The following LRRFIP2 variants were observed in gnomAD, a reference collection of about 807,000 sequenced individuals.
LRRFIP2 encodes LRR binding FLII interacting protein 2.
In LRRFIP2, 109 loss-of-function variants were observed where a neutral mutation model predicts 125.9. The ratio of observed to expected loss-of-function variants is 0.87; its 90% CI spans 0.74 to 1.01. The LOEUF is 1.01. Ranked by LOEUF, LRRFIP2 falls within the 50% of genes least tolerant of loss-of-function variation. LRRFIP2 has a pLI of 0.00. For missense variants in LRRFIP2, 850 were observed against 862.3 expected, an observed-to-expected ratio of 0.99 and a Z score of 0.18; for synonymous variants, 291 against 293.1, an observed-to-expected ratio of 0.99 and a Z score of 0.07.
At chr3:37,146,807 C>T (rs561624960) in intron 2 of LRRFIP2, among the ~76,000 whole-genome samples, 1 of 152,130 alleles carries the variant, frequency 6.6e-6, no homozygotes, top group East Asian at 1.9e-4. Context: ...AGGACATAAG[C>T]ACAGGCAAAA....
chr3:37,156,261 C>G (rs950811742), intron 1 of LRRFIP2, among the ~76,000 whole-genome samples: 1 of 152,092 alleles, frequency 6.6e-6, no homozygotes, highest in Non-Finnish European at 1.5e-5. Flanking sequence ...AGGCAAGTTG[C>G]TTGAGCCCAG....
intron 13 of LRRFIP2, among the ~76,000 whole-genome samples, chr3:37,107,758 T>C (rs17035956): frequency 1.1e-4 from 16 of 152,160 alleles, no homozygotes; most frequent in African/African-American, 2.4e-4. Context: ...AAACACAGGA[T>C]AGTCAACCTA....
chr3:37,163,250 G>A (rs2096393210), intron 1 of LRRFIP2, among the ~76,000 whole-genome samples: 1 of 152,152 alleles, frequency 6.6e-6, no homozygotes, highest in Non-Finnish European at 1.5e-5. Context: ...TTGCTATTCA[G>A]TTTTCCAAAA....
At chr3:37,174,002 T>A (rs2096622218) in intron 1 of LRRFIP2, 1 of 152,228 alleles carries the variant, frequency 6.6e-6, no homozygotes, top group Non-Finnish European at 1.5e-5. Flanking sequence ...GGAATCTGTG[T>A]TCACAGGGAA....
chr3:37,115,924 G>A (rs2094761551), intron 6 of LRRFIP2, among the ~76,000 whole-genome samples: 1 of 152,174 alleles, frequency 6.6e-6, no homozygotes, highest in African/African-American at 2.4e-5. Flanking sequence ...TACCCAGAAA[G>A]TCATATACAA....
intron 5 of LRRFIP2, 45 bp downstream of exon 5, chr3:37,121,590 T>C: frequency 1.2e-6 from 2 of 1,613,220 alleles, no homozygotes; most frequent in Non-Finnish European, 1.7e-6. Flanking sequence ...TACATTAAGC[T>C]AATGAGGAAA....
intron 2 of LRRFIP2, among the ~76,000 whole-genome samples, chr3:37,131,120 T>C (rs1435891978): frequency 6.6e-6 from 1 of 152,046 alleles, no homozygotes; most frequent in East Asian, 1.9e-4. Flanking sequence ...AGGCATCTGC[T>C]GGGGGGCTTG....
chr3:37,120,117 T>C (rs2094960571), intron 6 of LRRFIP2, among the ~76,000 whole-genome samples: 1 of 150,826 alleles, frequency 6.6e-6, no homozygotes, highest in African/African-American at 2.4e-5. Context: ...TTTTTTTTTT[T>C]TTTTTTTGAG....
chr3:37,074,929 G>A lies in LRRFIP2; in HGVS notation c.1371+95C>T, dbSNP rs966739084. The A allele has an allele frequency of 5.1e-6, 4 of 783,490 alleles. No homozygotes were observed. The African/African-American group carries it at 5.1e-5, about 10-fold the overall frequency. 48.5% of individuals were successfully genotyped at this position (783,490 alleles called of 1,614,324 possible). ...AGTCAAATATAAAGAGACAAACTCT[G>A]ATGCATCTTAACTCTCCTTCCCTCC... On this transcript the variant is annotated intron_variant, in intron 20 of 27. Coordinates refer to ENST00000336686, the MANE Select transcript of LRRFIP2 (RefSeq NM_006309.4).
chr3:37,054,374 G>A, intron 27 of LRRFIP2, 37 bp downstream of exon 27: 2 of 1,494,276 alleles, frequency 1.3e-6, no homozygotes, highest in African/African-American at 1.4e-5. Flanking sequence ...TTTCTTTTTA[G>A]GAATGTATTC....
intron 1 of LRRFIP2, among the ~76,000 whole-genome samples, chr3:37,155,700 C>A (rs1407171915): frequency 6.6e-6 from 1 of 152,046 alleles, no homozygotes; most frequent in Non-Finnish European, 1.5e-5. Context: ...AGAAAAAAGT[C>A]CTCTACACAA....
chr3:37,159,987 CGCAAAAAAAA>C (rs1220435625), intron 1 of LRRFIP2, among the ~76,000 whole-genome samples: 4 of 61,920 alleles, frequency 6.5e-5, no homozygotes, highest in African/African-American at 3.2e-4. Flanking sequence ...AAGCCCTATG[CGCAAAAAAAA>C]AAAAAAAAAA....
intron 1 of LRRFIP2, chr3:37,170,447 T>A (rs375403714): frequency 3.9e-5 from 6 of 152,300 alleles, no homozygotes; most frequent in African/African-American, 1.4e-4. Context: ...TAGTACAAAC[T>A]AAGAGTTTAA....
At chr3:37,103,128 AC>A in intron 14 of LRRFIP2, 115 bp from the exon 15 acceptor site, 1 of 655,374 alleles carries the variant, frequency 1.5e-6, no homozygotes, top group African/African-American at 1.9e-5. Flanking sequence ...GTGATAAAGT[AC>A]CAAGAAATAA....
intron 26 of LRRFIP2, 103 bp from the exon 27 acceptor site, chr3:37,054,618 T>TAAC (rs113420512): frequency 0.43 from 326,024 of 759,640 alleles, 74,599 homozygotes; most frequent in Non-Finnish European, 0.48. Flanking sequence ...CCAAGTAATC[T>TAAC]ACTAACAAGT....
At chr3:37,055,432 G>A (rs973007162) in intron 25 of LRRFIP2, among the ~76,000 whole-genome samples, 1 of 152,140 alleles carries the variant, frequency 6.6e-6, no homozygotes, top group Non-Finnish European at 1.5e-5. Context: ...TGGGCGTGGT[G>A]GCACAGGCCT....
At chr3:37,153,712 G>T (rs1206881837) in intron 1 of LRRFIP2, among the ~76,000 whole-genome samples, 1 of 152,140 alleles carries the variant, frequency 6.6e-6, no homozygotes, top group East Asian at 1.9e-4. Flanking sequence ...AGAATAGACA[G>T]CCCTGAGAAA....
chr3:37,081,682 G>C (rs1304770809), intron 19 of LRRFIP2, among the ~76,000 whole-genome samples: 2 of 151,766 alleles, frequency 1.3e-5, no homozygotes, highest in Non-Finnish European at 2.9e-5. Flanking sequence ...CCAGGAGTTC[G>C]AGACCAGCCT....
intron 25 of LRRFIP2, among the ~76,000 whole-genome samples, chr3:37,056,293 CA>C (rs534352413): frequency 1.6e-3 from 246 of 152,108 alleles, no homozygotes; most frequent in Non-Finnish European, 2.8e-3. Context: ...CCAAGTTTAG[CA>C]AAAATCAGTC....
Sources: allele counts gnomAD v4.1 joint callset (sites outside exome capture counted in the v4.1 genomes callset), GRCh38; gene constraint gnomAD v4.1.1; transcripts MANE v1.5; gene names NCBI Gene and HGNC (gene_info 2026-07-23, HGNC 2026-07-21).